Variants in ATE1 observed in about 807,000 individuals in gnomAD.
ATE1 encodes the protein arginyl-tRNA--protein transferase 1.
In ATE1, 36 loss-of-function variants were observed where a neutral mutation model predicts 70.5. The ratio of observed to expected loss-of-function variants is 0.51; its 90% confidence interval spans 0.39 to 0.67. The LOEUF is 0.67. Ranked by LOEUF, ATE1 falls within the 30% of genes least tolerant of loss-of-function variation. The probability of loss-of-function intolerance (pLI) is 0.00; values close to 1 mark genes in which losing one functional copy is unlikely to be tolerated. For synonymous variants in ATE1, 232 were observed against 219.3 expected, an observed-to-expected ratio of 1.06 and a Z score of -0.51; for missense variants, 593 against 629.5, an observed-to-expected ratio of 0.94 and a Z score of 0.62.
chr10:121,847,868 G>A (rs567804123), intron 8 of ATE1, among the ~76,000 whole-genome samples: 9 of 150,212 alleles, frequency 6.0e-5, no homozygotes, highest in East Asian at 2.0e-4. Context: ...TCAGGAGATC[G>A]AGACCATCCT....
intron 8 of ATE1, among the ~76,000 whole-genome samples, chr10:121,866,835 A>C (rs1024336560): frequency 3.5e-5 from 5 of 143,258 alleles, no homozygotes; most frequent in African/African-American, 1.3e-4. Flanking sequence ...TGACAGAGTA[A>C]GACTCTGTCT....
rs1291849411 is a variant in ATE1 at position 121,742,226 on chromosome 10, C to T, written c.*1454G>A. On this transcript the variant is annotated 3_prime_UTR_variant, in exon 12 of 12. Coordinates refer to ENST00000224652, the MANE Select transcript of ATE1 (RefSeq NM_001001976.3). Reference sequence around the variant, plus strand: ...TTGGATGTTGAGTTTCTAGAGATTTCAGTTTTAAAATCATTGTTTTATGAT... The same window carrying T: ...TTGGATGTTGAGTTTCTAGAGATTTTAGTTTTAAAATCATTGTTTTATGAT... 1.3e-5 allele frequency: 2 copies of T among 152,180 alleles called. No homozygotes were observed. Among genetic ancestry groups the T allele is most frequent in the Admixed American group, 6.5e-5 (1 of 15,286 alleles). The allele number at this position is 152,180 out of a possible 1,614,324, so 9.4% of individuals were successfully genotyped here.
At chr10:121,745,530 C>T (rs1033441051) in intron 11 of ATE1, among the ~76,000 whole-genome samples, 3 of 152,108 alleles carry the variant, frequency 2.0e-5, no homozygotes, top group Admixed American at 2.0e-4. Flanking sequence ...TTCTGGCTAA[C>T]ACGGTGAAAC....
chr10:121,920,140 G>C (rs1406238359), intron 3 of ATE1, among the ~76,000 whole-genome samples: 1 of 151,946 alleles, frequency 6.6e-6, no homozygotes, highest in Non-Finnish European at 1.5e-5. Flanking sequence ...CATTGAAATT[G>C]GGGGCAAATA....
At chr10:121,762,002 A>G (rs1450819796) in intron 11 of ATE1, among the ~76,000 whole-genome samples, 1 of 152,074 alleles carries the variant, frequency 6.6e-6, no homozygotes, top group Non-Finnish European at 1.5e-5. Context: ...CACTCACTCT[A>G]CAATCTATTT....
rs545136097 is a variant in ATE1, at chr10:121,922,428, A to C, written c.171-17T>G. The C allele has an allele frequency of 4.9e-5, 74 of 1,522,164 alleles. No homozygotes were observed. The Admixed American group carries it at 5.7e-4, about 12-fold the overall frequency. 94.3% of individuals were successfully genotyped at this position (1,522,164 alleles called of 1,614,324 possible). On this transcript the variant is annotated splice_polypyrimidine_tract_variant and intron_variant, in intron 2 of 11. Transcript: ENST00000224652. ...TTTCCACTTCTAAAATTATAAAAAT[A>C]GTTTGTTAATGTCTTATATATTTTT...
intron 11 of ATE1, among the ~76,000 whole-genome samples, chr10:121,762,702 G>A (rs894841504): frequency 2.0e-5 from 3 of 152,192 alleles, no homozygotes; most frequent in Admixed American, 6.5e-5. Flanking sequence ...TTTGTGCCCT[G>A]AGCTACGGGG....
chr10:121,927,811 G>T lies in ATE1; in HGVS notation c.106+33C>A, dbSNP rs375350801. ...CTGGGATCCCGAGACCCGGGCGCCCGGCTTCCCACGCCCGCCGGCCCGGCT... is the reference window on the plus strand; with the variant it reads ...CTGGGATCCCGAGACCCGGGCGCCCTGCTTCCCACGCCCGCCGGCCCGGCT... On this transcript the variant is annotated intron_variant, in intron 1 of 11. Coordinates refer to ENST00000224652, the MANE Select transcript of ATE1 (RefSeq NM_001001976.3). 1.2e-3 allele frequency: 1,820 copies of T among 1,535,196 alleles called. 1 individual carries two copies. Among genetic ancestry groups the T allele is most frequent in the Non-Finnish European group, 1.5e-3 (1,759 of 1,141,522 alleles).
chr10:121,872,042 T>C (rs181227731), intron 7 of ATE1, among the ~76,000 whole-genome samples: 5 of 152,194 alleles, frequency 3.3e-5, no homozygotes, highest in Non-Finnish European at 5.9e-5. Context: ...AAATGAGGCA[T>C]GGTAAATTTT....
At chr10:121,914,038 G>C (rs1951546530) in intron 3 of ATE1, 145 bp from the exon 4 acceptor site, 2 of 563,680 alleles carry the variant, frequency 3.5e-6, no homozygotes, top group Non-Finnish European at 3.1e-6. Flanking sequence ...TCTAATCCCA[G>C]CCCACATCAC....
At chr10:121,826,788 G>C (rs1349611206) in intron 10 of ATE1, among the ~76,000 whole-genome samples, 3 of 152,118 alleles carry the variant, frequency 2.0e-5, no homozygotes, top group African/African-American at 7.2e-5. Flanking sequence ...CACTCTAGTA[G>C]TCCCCAATGT....
At chr10:121,846,728 AT>A in intron 8 of ATE1, 1 of 134,230 alleles carries the variant, frequency 7.4e-6, no homozygotes, top group Non-Finnish European at 1.7e-5. Flanking sequence ...AAATAAATAA[AT>A]AAATAAATAA....
chr10:121,845,202 ACT>A (rs1476546269), intron 8 of ATE1, among the ~76,000 whole-genome samples: 2 of 152,140 alleles, frequency 1.3e-5, no homozygotes, highest in Non-Finnish European at 2.9e-5. Flanking sequence ...ATGCCTGAAG[ACT>A]CTGTAAAAGG....
intron 9 of ATE1, among the ~76,000 whole-genome samples, chr10:121,838,067 C>T (rs1426395989): frequency 6.6e-6 from 1 of 152,136 alleles, no homozygotes; most frequent in Non-Finnish European, 1.5e-5. Flanking sequence ...CTTCTTACCA[C>T]CTCCACCTCA....
chr10:121,816,315 G>A (rs773677740), intron 10 of ATE1, among the ~76,000 whole-genome samples: 8 of 152,100 alleles, frequency 5.3e-5, no homozygotes, highest in Non-Finnish European at 1.0e-4. Context: ...ATCAGATACT[G>A]CTATGGTTTG....
rs142673477 is a variant in ATE1, at chr10:121,815,780, G to A, written c.1257+20938C>T. Among the ~76,000 whole-genome samples the A allele has an allele frequency of 3.9e-4, 60 of 152,264 alleles. 2 individuals carry two copies. In the East Asian group the frequency reaches 0.011, roughly 27 times the overall value. ...GCAACCGTAATGCCCTACAGACTTC[G>A]ACAAGTCACTAACCGTTTAAACAGG... On this transcript the variant is annotated intron_variant, in intron 10 of 11. Transcript: ENST00000224652.
At chr10:121,820,857 G>A (rs939485529) in intron 10 of ATE1, among the ~76,000 whole-genome samples, 5 of 152,190 alleles carry the variant, frequency 3.3e-5, no homozygotes, top group African/African-American at 4.8e-5. Flanking sequence ...CCTGCACCCT[G>A]TCTCACACCA....
intron 10 of ATE1, among the ~76,000 whole-genome samples, chr10:121,796,377 T>TCA (rs1946659514): frequency 1.3e-5 from 2 of 152,214 alleles, no homozygotes; most frequent in South Asian, 4.1e-4. Flanking sequence ...GGATCATCAC[T>TCA]CAGTTCAAAG....
intron 11 of ATE1, among the ~76,000 whole-genome samples, chr10:121,788,954 T>C (rs1300051424): frequency 1.3e-5 from 2 of 152,202 alleles, no homozygotes. Context: ...TACTTTGAAC[T>C]GTGAGTGGTA....
Sources: gnomAD v4.1 joint callset for allele counts (sites outside exome capture counted in the v4.1 genomes callset) on GRCh38, gnomAD v4.1.1 for gene constraint, MANE v1.5 for transcripts, NCBI Gene and HGNC (gene_info 2026-07-23, HGNC 2026-07-21) for gene names.